DAB1: variants seen among roughly 807,000 people sequenced by gnomAD.
DAB1 encodes the protein disabled homolog 1.
A neutral mutation model predicts 64.6 loss-of-function variants in DAB1; 15 were observed. The ratio of observed to expected loss-of-function variants is 0.23; its 90% CI spans 0.16 to 0.36. DAB1 has a LOEUF of 0.36. Among genes scored for constraint, DAB1 ranks in the 10% least tolerant of loss-of-function variants. DAB1 has a pLI of 1.00. For synonymous variants in DAB1, 235 were observed against 251.9 expected (o/e 0.93, Z 0.64); for missense variants, 596 against 706.7 (o/e 0.84, Z 1.78).
intron 5 of DAB1, among the ~76,000 whole-genome samples, chr1:58,148,360 G>A (rs1654728526): frequency 6.6e-6 from 1 of 152,178 alleles, no homozygotes; most frequent in South Asian, 2.1e-4. Flanking sequence ...TCCTCAGCTT[G>A]AAACTGCCAA....
intron 7 of DAB1, among the ~76,000 whole-genome samples, chr1:57,469,103 CAATGTGGTAA>C (rs889426326): frequency 5.9e-5 from 9 of 152,262 alleles, no homozygotes; most frequent in African/African-American, 2.2e-4. Flanking sequence ...TCTGGCTCAG[CAATGTGGTAA>C]AATGTGGTAA....
At chr1:58,219,139 C>T (rs1659023890) in intron 4 of DAB1, among the ~76,000 whole-genome samples, 2 of 151,942 alleles carry the variant, frequency 1.3e-5, no homozygotes, top group South Asian at 4.2e-4. Flanking sequence ...GCACCCACAG[C>T]CCAGCTTCCC....
chr1:57,441,475 C>G lies in DAB1; in HGVS notation n.626-150309G>C, dbSNP rs574792458. 1.1e-4 allele frequency among the ~76,000 whole-genome samples: 16 copies of G among 151,946 alleles called. 1 individual carries two copies. The highest frequency in any genetic ancestry group is 2.4e-4 in the Non-Finnish European group (16 of 68,002). ...GGCTCAAGCGATCCTGCCACTCAGC[C>G]CACCAAGTAGCTGGGACTACAGGCA... On this transcript the variant is annotated intron_variant and non_coding_transcript_variant, in intron 7 of 20. Transcript: ENST00000485760.
chr1:58,396,833 C>T (rs1644526853), intron 3 of DAB1, among the ~76,000 whole-genome samples: 1 of 152,160 alleles, frequency 6.6e-6, no homozygotes, highest in Non-Finnish European at 1.5e-5. Flanking sequence ...GAGGCCAAGG[C>T]GGGCGGATCA....
chr1:57,576,303 G>A (rs921084170), intron 7 of DAB1, among the ~76,000 whole-genome samples: 1 of 152,092 alleles, frequency 6.6e-6, no homozygotes, highest in Non-Finnish European at 1.5e-5. Context: ...TTCAACTGAC[G>A]ATATCTTCAA....
intron 3 of DAB1, among the ~76,000 whole-genome samples, chr1:58,379,143 C>A (rs918270526): frequency 6.6e-6 from 1 of 151,812 alleles, no homozygotes; most frequent in African/African-American, 2.4e-5. Flanking sequence ...CCGTCTTCTG[C>A]GTCGCTCACG....
intron 5 of DAB1, among the ~76,000 whole-genome samples, chr1:57,889,446 C>T (rs1390589852): frequency 2.0e-5 from 3 of 152,224 alleles, no homozygotes; most frequent in Middle Eastern, 3.2e-3. Context: ...ATTGAATATG[C>T]TGTTCAAGTG....
At chr1:57,309,006 G>A (rs116045525) in intron 1 of DAB1, among the ~76,000 whole-genome samples, 2,613 of 152,176 alleles carry the variant, frequency 0.017, 76 homozygotes, top group African/African-American at 0.061. Context: ...CTTTGAATGC[G>A]GCCCAACACA....
At chr1:58,127,720 C>G (rs1447479032) in intron 5 of DAB1, among the ~76,000 whole-genome samples, 4 of 151,764 alleles carry the variant, frequency 2.6e-5, no homozygotes, top group African/African-American at 9.7e-5. Context: ...ATAGGGAATC[C>G]TTTCCCCATT....
chr1:57,916,221 C>A (rs2102015991), intron 5 of DAB1, among the ~76,000 whole-genome samples: 1 of 152,314 alleles, frequency 6.6e-6, no homozygotes, highest in Non-Finnish European at 1.5e-5. Flanking sequence ...GGCGATTCGA[C>A]AGGCACTGAC....
At chr1:58,426,774 C>G (rs892384301) in intron 3 of DAB1, among the ~76,000 whole-genome samples, 2 of 152,124 alleles carry the variant, frequency 1.3e-5, no homozygotes, top group African/African-American at 2.4e-5. Flanking sequence ...AAAGATCTGA[C>G]AGTGAACATA....
chr1:58,380,309 C>A (rs932941335), intron 3 of DAB1, among the ~76,000 whole-genome samples: 3 of 151,848 alleles, frequency 2.0e-5, no homozygotes, highest in Admixed American at 6.6e-5. Context: ...TTCCCCAGTG[C>A]TCTCTCTCTC....
At chr1:58,034,069 A>G (rs771706550) in intron 5 of DAB1, among the ~76,000 whole-genome samples, 2 of 152,236 alleles carry the variant, frequency 1.3e-5, no homozygotes, top group Non-Finnish European at 2.9e-5. Flanking sequence ...CAAATAGAAT[A>G]CAGCAAAAAT....
intron 4 of DAB1, among the ~76,000 whole-genome samples, chr1:58,153,224 C>A (rs895073638): frequency 6.6e-6 from 1 of 152,186 alleles, no homozygotes; most frequent in African/African-American, 2.4e-5. Context: ...TCATACAGGA[C>A]AACTTTAGCG....
At chr1:58,405,417 G>C (rs1388546769) in intron 3 of DAB1, among the ~76,000 whole-genome samples, 1 of 151,916 alleles carries the variant, frequency 6.6e-6, no homozygotes, top group Non-Finnish European at 1.5e-5. Context: ...CCAGGCTGTA[G>C]TTCAGTGATG....
At position 57,220,725 on chromosome 1, in the gene DAB1, T is replaced by C. The variant is rs915634313; in HGVS notation, c.67+70239A>G. On this transcript the variant is annotated intron_variant, in intron 2 of 14. Coordinates refer to ENST00000371236, the MANE Select transcript of DAB1 (RefSeq NM_001365792.1). ...AGATACCATCTCACACCAGTTAGAATGGCGATCATTAAAAAGTCAGGAAAC... is the reference window on the plus strand; with the variant it reads ...AGATACCATCTCACACCAGTTAGAACGGCGATCATTAAAAAGTCAGGAAAC... 1.6e-4 allele frequency among the ~76,000 whole-genome samples: 25 copies of C among 152,308 alleles called. No homozygotes were observed. In the Middle Eastern group the frequency reaches 0.01, roughly 62 times the overall value.
chr1:58,239,389 A>G (rs963570157), intron 4 of DAB1, among the ~76,000 whole-genome samples: 2 of 152,234 alleles, frequency 1.3e-5, no homozygotes, highest in Non-Finnish European at 2.9e-5. Flanking sequence ...ACTTGGAGGA[A>G]GAAAGGACAT....
intron 2 of DAB1, among the ~76,000 whole-genome samples, chr1:57,206,424 A>G (rs10489465): frequency 3.9e-5 from 6 of 152,104 alleles, no homozygotes; most frequent in African/African-American, 1.4e-4. Flanking sequence ...TGTAATATGG[A>G]AACAGTCTAT....
At chr1:57,507,708 T>C (rs1226902834) in intron 7 of DAB1, among the ~76,000 whole-genome samples, 1 of 152,190 alleles carries the variant, frequency 6.6e-6, no homozygotes, top group Non-Finnish European at 1.5e-5. Flanking sequence ...CCTCCACAGT[T>C]CCTTTCGTAA....
Sources: gnomAD v4.1 joint callset for allele counts (sites outside exome capture counted in the v4.1 genomes callset) on GRCh38, gnomAD v4.1.1 for gene constraint, MANE v1.5 for transcripts, NCBI Gene and HGNC (gene_info 2026-07-23, HGNC 2026-07-21) for gene names.